NKAIN3: variants seen among roughly 807,000 people sequenced by gnomAD.
The protein encoded by NKAIN3 is sodium/potassium-transporting ATPase subunit beta-1-interacting protein 3.
A neutral mutation model predicts 30.2 loss-of-function variants in NKAIN3; 25 were observed. The ratio of observed to expected loss-of-function variants is 0.83; its 90% CI spans 0.60 to 1.16. NKAIN3 has a LOEUF of 1.16. Among genes scored for constraint, NKAIN3 ranks in the 50% most tolerant of loss-of-function variants. The probability of loss-of-function intolerance (pLI) is 0.00; values close to 1 mark genes in which losing one functional copy is unlikely to be tolerated. For synonymous variants in NKAIN3, 91 were observed against 89.6 expected, an observed-to-expected ratio of 1.02 and a Z score of -0.09; for missense variants, 225 against 254.1, an observed-to-expected ratio of 0.89 and a Z score of 0.78.
intron 3 of NKAIN3, among the ~76,000 whole-genome samples, chr8:62,736,065 CTG>C (rs1224173480): frequency 1.2e-4 from 18 of 152,184 alleles, no homozygotes; most frequent in African/African-American, 4.3e-4. Context: ...GAAGTGGACT[CTG>C]TGAAAGACCT....
intron 1 of NKAIN3, among the ~76,000 whole-genome samples, chr8:62,319,253 T>C (rs1814781954): frequency 6.6e-6 from 1 of 152,184 alleles, no homozygotes; most frequent in Admixed American, 6.5e-5. Flanking sequence ...TAGTGGTCTA[T>C]CAATTTTGTT....
At chr8:62,383,364 C>T in intron 1 of NKAIN3, 1 of 348,156 alleles carries the variant, frequency 2.9e-6, no homozygotes, top group Non-Finnish European at 5.7e-6. Context: ...GGTCACCAAC[C>T]CAATTGTATT....
intron 1 of NKAIN3, among the ~76,000 whole-genome samples, chr8:62,477,060 CA>C (rs1176749041): frequency 6.6e-6 from 1 of 152,136 alleles, no homozygotes; most frequent in Non-Finnish European, 1.5e-5. Context: ...GAAACTCTTA[CA>C]GATCTCCTGG....
Position 62,577,876 on chromosome 8 carries a change from G to A in NKAIN3, c.55-1663G>A, listed in dbSNP as rs1454325301. 3.3e-5 allele frequency among the ~76,000 whole-genome samples: 5 copies of A among 152,008 alleles called. No individual in the cohort carries two copies. In the East Asian group the frequency reaches 9.7e-4, roughly 30 times the overall value. On this transcript the variant is annotated intron_variant, in intron 1 of 6. Coordinates refer to ENST00000623646, the MANE Select transcript of NKAIN3 (RefSeq NM_001304533.3). ...GTGGGTCTGTTGTGGTTTTCTTTAG[G>A]CTTCGCTCTCTTCTCTTTTCCGCCA...
intron 1 of NKAIN3, among the ~76,000 whole-genome samples, chr8:62,336,313 T>G (rs1376160627): frequency 6.6e-6 from 1 of 152,110 alleles, no homozygotes; most frequent in African/African-American, 2.4e-5. Context: ...CTTTCTCCAT[T>G]TTGCCTGTTC....
At chr8:62,753,020 C>T (rs1341221334) in intron 4 of NKAIN3, among the ~76,000 whole-genome samples, 3 of 152,016 alleles carry the variant, frequency 2.0e-5, no homozygotes, top group Non-Finnish European at 4.4e-5. Context: ...TCCGCATGTT[C>T]TTTATTTTGA....
intron 1 of NKAIN3, among the ~76,000 whole-genome samples, chr8:62,571,876 C>T (rs1008457975): frequency 6.6e-6 from 1 of 152,084 alleles, no homozygotes; most frequent in Non-Finnish European, 1.5e-5. Context: ...GCATAGGAAC[C>T]CTGGGCCGGC....
chr8:62,292,860 A>C (rs1290463945), intron 1 of NKAIN3, among the ~76,000 whole-genome samples: 6 of 152,224 alleles, frequency 3.9e-5, no homozygotes, highest in African/African-American at 1.2e-4. Context: ...CATCACTTTC[A>C]GGCACAGCAA....
chr8:62,479,998 TG>T (rs1429557665), intron 1 of NKAIN3, among the ~76,000 whole-genome samples: 1 of 152,224 alleles, frequency 6.6e-6, no homozygotes, highest in Non-Finnish European at 1.5e-5. Context: ...GAATCAAAGA[TG>T]TTTTTAAAGG....
chr8:62,561,908 A>T (rs1809592219), intron 1 of NKAIN3, among the ~76,000 whole-genome samples: 1 of 152,156 alleles, frequency 6.6e-6, no homozygotes, highest in Admixed American at 6.6e-5. Flanking sequence ...TGGAATAGTG[A>T]TTAATTACAT....
intron 4 of NKAIN3, chr8:62,856,560 A>C: frequency 1.3e-6 from 1 of 783,482 alleles, no homozygotes; most frequent in Non-Finnish European, 2.3e-6. Flanking sequence ...AGGCACTGTC[A>C]TTGCCATGGG....
At chr8:62,781,415 GA>G (rs57943901) in intron 4 of NKAIN3, among the ~76,000 whole-genome samples, 31,243 of 147,494 alleles carry the variant, frequency 0.21, 3,601 homozygotes, top group East Asian at 0.3. Flanking sequence ...CACAAGAATA[GA>G]AAAAAAAAAT....
intron 4 of NKAIN3, among the ~76,000 whole-genome samples, chr8:62,839,256 G>A (rs916828432): frequency 1.3e-5 from 2 of 148,952 alleles, no homozygotes; most frequent in Non-Finnish European, 1.5e-5. Flanking sequence ...AATCTGCTAA[G>A]CCTGACAGAC....
intron 1 of NKAIN3, chr8:62,383,458 G>C (rs1817335084): frequency 3.3e-5 from 15 of 453,536 alleles, no homozygotes; most frequent in South Asian, 2.3e-4. Flanking sequence ...GCTCTTTGTG[G>C]CTTTTGTTTC....
At chr8:62,365,693 T>C (rs566196483) in intron 1 of NKAIN3, among the ~76,000 whole-genome samples, 4 of 152,324 alleles carry the variant, frequency 2.6e-5, no homozygotes, top group African/African-American at 9.6e-5. Flanking sequence ...TCACTAAGTC[T>C]GGAGCTTTCA....
rs1491362672 is a variant in NKAIN3, at chr8:62,555,009, T to TACAC, written c.55-24529_55-24528insCACA. The stretch of plus-strand genomic sequence containing the variant: ...CTATGCTGTCACAAATGGCAGAATC[T>TACAC]ATACACACACACACACACACACACA... On this transcript the variant is annotated intron_variant, in intron 1 of 6. Coordinates refer to ENST00000623646, the MANE Select transcript of NKAIN3 (RefSeq NM_001304533.3). 9.2e-3 allele frequency among the ~76,000 whole-genome samples: 967 copies of TACAC among 104,626 alleles called. 8 individuals are homozygous for TACAC. The highest frequency in any genetic ancestry group is 0.027 in the African/African-American group (856 of 31,274). The allele number at this position is 104,626 out of a possible 152,430, so 68.6% of individuals were successfully genotyped here.
intron 1 of NKAIN3, among the ~76,000 whole-genome samples, chr8:62,564,802 C>T (rs1415841431): frequency 1.3e-5 from 2 of 151,864 alleles, no homozygotes; most frequent in African/African-American, 4.8e-5. Context: ...ACACACAAAC[C>T]CACACACACA....
intron 1 of NKAIN3, among the ~76,000 whole-genome samples, chr8:62,410,686 A>G (rs1039356820): frequency 2.0e-5 from 3 of 152,218 alleles, no homozygotes; most frequent in Admixed American, 6.5e-5. Context: ...TGACATTATA[A>G]TTGATCCCCA....
rs184314976 is a variant in NKAIN3, at chr8:62,471,949, G to T, written c.55-107590G>T. Among the ~76,000 whole-genome samples, 270 of 151,326 alleles carry T rather than the reference G, an allele frequency of 1.8e-3. 1 individual carries two copies. The highest frequency in any genetic ancestry group is 6.3e-3 in the African/African-American group (259 of 41,214). On this transcript the variant is annotated intron_variant, in intron 1 of 6. Transcript: ENST00000623646. ...GCTCCAGCCTGGGTGTCAGAGCAAG[G>T]CAAGACCCTATCTCAAACCAACAAA...
Sources: allele counts gnomAD v4.1 joint callset (sites outside exome capture counted in the v4.1 genomes callset), GRCh38; gene constraint gnomAD v4.1.1; transcripts MANE v1.5; gene names NCBI Gene and HGNC (gene_info 2026-07-23, HGNC 2026-07-21).